The following GLIS3 variants were observed in gnomAD, a reference collection of about 807,000 sequenced individuals.
GLIS3 encodes zinc finger protein GLIS3.
In GLIS3, 53 loss-of-function variants were observed where a neutral mutation model predicts 78.6. That is an observed-to-expected ratio of 0.67 (90% CI 0.54 to 0.85). The LOEUF (loss-of-function observed/expected upper bound fraction) is 0.85. Ranked by LOEUF, GLIS3 falls within the 40% of genes least tolerant of loss-of-function variation. The pLI is 0.00. For missense variants in GLIS3, 1,703 were observed against 1,231.1 expected, an observed-to-expected ratio of 1.38 and a Z score of -5.74; for synonymous variants, 684 against 509.9, an observed-to-expected ratio of 1.34 and a Z score of -4.60.
intron 2 of GLIS3, among the ~76,000 whole-genome samples, chr9:4,195,272 C>A (rs1818711114): frequency 6.6e-6 from 1 of 152,184 alleles, no homozygotes. Context: ...CAGAGCTGCT[C>A]CCTTGGCTTG....
intron 4 of GLIS3, among the ~76,000 whole-genome samples, chr9:4,046,583 T>A (rs1457244499): frequency 2.0e-5 from 3 of 152,204 alleles, no homozygotes; most frequent in Non-Finnish European, 2.9e-5. Flanking sequence ...AAGTTGTACT[T>A]AATGTGCATG....
chr9:4,117,797 G>A lies in GLIS3; in HGVS notation c.1681C>T (p.His561Tyr), dbSNP rs868197660. Residue 561 changes from histidine (H) to tyrosine (Y), a missense_variant, in exon 4 of 11, where the codon CAC becomes TAC. By Grantham distance (83) the His-to-Tyr change is moderately conservative. Coordinates refer to ENST00000381971, the MANE Select transcript of GLIS3 (RefSeq NM_001042413.2). The part of the protein sequence containing the change: ...RYKLLIHMRV[H>Y]SGEKPNKCTF... ...CACTTGTTGGGCTTCTCCCCAGAGT[G>A]GACTCTCATGTGGATCAGCAGTTTA... 6.2e-7 allele frequency: 1 copy of A among 1,614,164 alleles called. No individual in the cohort carries two copies. The highest frequency in any genetic ancestry group is 8.5e-7 in the Non-Finnish European group (1 of 1,180,040).
At chr9:4,378,960 T>A in the GLIS3 span, among the ~76,000 whole-genome samples, 3 of 152,196 alleles carry the variant, frequency 2.0e-5, no homozygotes, top group Admixed American at 2.0e-4. Context: ...CCAAGTGTTT[T>A]GGGTTAAATG....
intron 5 of GLIS3, chr9:3,932,731 A>G (rs1825693419): frequency 4.4e-6 from 2 of 449,856 alleles, no homozygotes. Flanking sequence ...TGCTCTAACC[A>G]CAAAACCTCT....
intron 2 of GLIS3, among the ~76,000 whole-genome samples, chr9:4,344,544 A>C (rs903006274): frequency 1.1e-4 from 16 of 152,072 alleles, no homozygotes; most frequent in African/African-American, 3.9e-4. Context: ...CTTCTCTTTC[A>C]CACTCGCTCA....
chr9:4,178,570 G>A (rs151253965), intron 2 of GLIS3, among the ~76,000 whole-genome samples: 6 of 152,208 alleles, frequency 3.9e-5, no homozygotes, highest in Non-Finnish European at 7.3e-5. Context: ...CCTAGGGCTT[G>A]ACCTACATAT....
chr9:3,882,876 A>AAATCTT (rs1821827635), intron 7 of GLIS3, among the ~76,000 whole-genome samples: 1 of 152,340 alleles, frequency 6.6e-6, no homozygotes, highest in African/African-American at 2.4e-5. Flanking sequence ...TAGTATAGGA[A>AAATCTT]AATCTTACTT....
At chr9:4,386,716 G>T in the GLIS3 span, among the ~76,000 whole-genome samples, 1 of 152,164 alleles carries the variant, frequency 6.6e-6, no homozygotes, top group Non-Finnish European at 1.5e-5. Context: ...AAATGGAAAG[G>T]ATGACATAAA....
At chr9:3,997,502 T>C (rs1009608650) in intron 4 of GLIS3, among the ~76,000 whole-genome samples, 2 of 152,106 alleles carry the variant, frequency 1.3e-5, no homozygotes, top group African/African-American at 4.8e-5. Flanking sequence ...CGATCCTCAC[T>C]CATGACTATA....
intron 3 of GLIS3, among the ~76,000 whole-genome samples, chr9:4,121,806 C>A (rs992826936): frequency 1.3e-5 from 2 of 152,222 alleles, no homozygotes; most frequent in Non-Finnish European, 2.9e-5. Flanking sequence ...CCTGGTATAA[C>A]AGGCTTAAAG....
At position 4,216,611 on chromosome 9, in the gene GLIS3, G is replaced by A. The variant is rs532600130; in HGVS notation, c.388+69427C>T. On this transcript the variant is annotated intron_variant, in intron 2 of 10. Transcript: ENST00000381971. ...GGAAGGTTGGGGAAAGCCAATGTTC[G>A]GCTGCCATTTATGAGTTCATGGTGA... Among the ~76,000 whole-genome samples, 21 of 152,086 alleles carry A rather than the reference G, an allele frequency of 1.4e-4. No homozygotes were observed. The South Asian group carries it at 1.9e-3, about 14-fold the overall frequency.
chr9:3,986,863 T>A (rs776723358), intron 4 of GLIS3, among the ~76,000 whole-genome samples: 1 of 152,202 alleles, frequency 6.6e-6, no homozygotes, highest in Middle Eastern at 3.2e-3. Flanking sequence ...AAGTAAAAGT[T>A]TGGAATGCAA....
intron 4 of GLIS3, among the ~76,000 whole-genome samples, chr9:4,097,764 C>A (rs966230585): frequency 1.3e-5 from 2 of 152,082 alleles, no homozygotes; most frequent in African/African-American, 4.8e-5. Flanking sequence ...TAAACACAGG[C>A]AGTTTATTGA....
intron 4 of GLIS3, among the ~76,000 whole-genome samples, chr9:4,001,501 G>T (rs774060677): frequency 4.2e-4 from 64 of 152,138 alleles, no homozygotes; most frequent in Non-Finnish European, 7.8e-4. Context: ...AAGACAAGTT[G>T]TATTAATGGA....
At chr9:4,266,595 T>TACAC (rs57746056) in intron 2 of GLIS3, among the ~76,000 whole-genome samples, 23 of 149,400 alleles carry the variant, frequency 1.5e-4, no homozygotes, top group South Asian at 1.1e-3. Flanking sequence ...CATGCGCGTG[T>TACAC]ACACACACAC....
chr9:4,228,198 CAAAAAAA>C (rs59507597), intron 2 of GLIS3, among the ~76,000 whole-genome samples: 1 of 107,058 alleles, frequency 9.3e-6, no homozygotes. Flanking sequence ...TCTAAGGTGG[CAAAAAAA>C]AAAAAAAAAA....
At chr9:4,445,791 C>G in the GLIS3 span, among the ~76,000 whole-genome samples, 5 of 152,130 alleles carry the variant, frequency 3.3e-5, no homozygotes, top group African/African-American at 1.2e-4. Flanking sequence ...AGTACACACC[C>G]CACTATGAGG....
At chr9:4,070,030 C>T (rs960168878) in intron 4 of GLIS3, among the ~76,000 whole-genome samples, 1 of 152,004 alleles carries the variant, frequency 6.6e-6, no homozygotes, top group Non-Finnish European at 1.5e-5. Flanking sequence ...GCCATTTCAG[C>T]CACAGTCCAT....
chr9:4,193,594 A>G (rs1487434940), intron 2 of GLIS3, among the ~76,000 whole-genome samples: 5 of 152,254 alleles, frequency 3.3e-5, no homozygotes, highest in Non-Finnish European at 7.3e-5. Context: ...GGCAGTTTCA[A>G]TAACATAGGG....
Sources: gnomAD v4.1 joint callset for allele counts (sites outside exome capture counted in the v4.1 genomes callset) on GRCh38, gnomAD v4.1.1 for gene constraint, MANE v1.5 for transcripts, NCBI Gene and HGNC (gene_info 2026-07-23, HGNC 2026-07-21) for gene names.